Variants in G6PC3 observed in about 807,000 individuals in gnomAD.
G6PC3 encodes glucose-6-phosphatase 3.
G6PC3 carries 30 observed loss-of-function variants against 38.6 expected under a neutral mutation model. The ratio of observed to expected loss-of-function variants is 0.78; its 90% CI spans 0.58 to 1.05. The LOEUF (loss-of-function observed/expected upper bound fraction) is 1.05, where lower values mean the gene tolerates loss of function less well. G6PC3 is among the 50% of genes least tolerant of loss of function. The pLI, the probability that G6PC3 is intolerant of heterozygous loss-of-function variation, is 0.00. For synonymous variants in G6PC3, 192 were observed against 178.1 expected (o/e 1.08, Z -0.62); for missense variants, 377 against 443.1 (o/e 0.85, Z 1.34).
rs112909672 is a variant in G6PC3, at chr17:44,074,111, CT to C, written c.219-48del. 1.2e-4 allele frequency: 166 copies of C among 1,329,402 alleles called. 2 individuals are homozygous for C. The highest frequency in any genetic ancestry group is 6.9e-4 in the African/African-American group (48 of 69,488). 82.4% of individuals were successfully genotyped at this position (1,329,402 alleles called of 1,614,324 possible). A position where few individuals can be genotyped will look rare whatever the true frequency, so the allele number is the denominator to read the frequency against. ...GTGTCCTGCCCGCCTTGTACCCCCC[CT>C]GGCTGTGTGTGCATGTGGAAAGTCA... On this transcript the variant is annotated intron_variant, in intron 1 of 5. Transcript: ENST00000269097.
intron 1 of G6PC3, chr17:44,071,687 A>C (rs1185178101): frequency 4.7e-6 from 6 of 1,272,262 alleles, no homozygotes; most frequent in Non-Finnish European, 6.2e-6. Context: ...CTTGCAGATT[A>C]AGGTGTGGTC....
At position 44,075,444 on chromosome 17, in the gene G6PC3, CT is replaced by C; in HGVS notation, c.673del (p.Ser225LeufsTer6). The C allele has an allele frequency of 6.2e-7, 1 of 1,614,176 alleles. No homozygotes were observed. The highest frequency in any genetic ancestry group is 1.1e-5 in the South Asian group (1 of 91,090). On this transcript the variant is annotated frameshift_variant, in exon 5 of 6. Transcript: ENST00000269097. LOFTEE classifies it high-confidence loss of function. The part of the protein sequence containing the change: ...YWTLFTLGLD[L>X]SWSISLAFKW... ...GACCCTCTTTACACTGGGCCTGGAT[CT>C]TTCTTGGTAAGTCTCGCTTTGAAGC...
At chr17:44,072,092 CAT>C (rs1275813152) in intron 1 of G6PC3, 24 of 224,024 alleles carry the variant, frequency 1.1e-4, no homozygotes, top group African/African-American at 4.6e-4. Context: ...TGAAAAACAA[CAT>C]AGAGTTCCCC....
In G6PC3 at chr17:44,076,194, G is replaced by C. The variant is rs1046770; in HGVS notation, c.*151G>C. The C allele has an allele frequency of 0.18, 189,106 of 1,065,316 alleles. 18,430 individuals carry two copies. Among genetic ancestry groups the C allele is most frequent in the Non-Finnish European group, 0.2 (141,677 of 695,368 alleles). The allele number at this position is 1,065,316 out of a possible 1,614,324, so 66.0% of individuals were successfully genotyped here. Reference sequence around the variant, plus strand: ...CGCACCACCTGGTCTTAGCCCCAAAGATGGGCCTTCTCTCTCCCAGATAAG... The same window carrying C: ...CGCACCACCTGGTCTTAGCCCCAAACATGGGCCTTCTCTCTCCCAGATAAG... On this transcript the variant is annotated 3_prime_UTR_variant, in exon 6 of 6. Transcript: ENST00000269097.
At chr17:44,075,599 T>A in intron 5 of G6PC3, 81 bp from the exon 6 acceptor site, 1 of 1,602,808 alleles carries the variant, frequency 6.2e-7, no homozygotes, top group African/African-American at 1.3e-5. Flanking sequence ...AACATGGGAG[T>A]GGGCCCCAAG....
chr17:44,074,920 C>G, intron 3 of G6PC3, 49 bp from the exon 4 acceptor site: 1 of 1,538,970 alleles, frequency 6.5e-7, no homozygotes, highest in Non-Finnish European at 9.0e-7. Context: ...TGCAGGAGGC[C>G]AAGCTGTGTA....
At position 44,075,910 on chromosome 17, in the gene G6PC3, C is replaced by G. The variant is rs776556492; in HGVS notation, c.908C>G (p.Pro303Arg). 1.2e-6 allele frequency: 2 copies of G among 1,613,126 alleles called. No individual in the cohort carries two copies. The highest frequency in any genetic ancestry group is 1.7e-6 in the Non-Finnish European group (2 of 1,180,022). Residue 303 changes from proline (P) to arginine (R), a missense_variant, in exon 6 of 6, where the codon CCC becomes CGC. Physicochemically the swap from Pro to Arg is moderately radical, Grantham distance 103 (BLOSUM62 -2). Coordinates refer to ENST00000269097, the MANE Select transcript of G6PC3 (RefSeq NM_138387.4). ...GGCCCCCTGGACTGGCTGGGCCACC[C>G]CCCTCAGATCAGCCTCTTCTACATT... ...LLGPLDWLGH[P>R]PQISLFYIFN...
At chr17:44,074,339 GC>G in intron 2 of G6PC3, 73 bp downstream of exon 2, 1 of 1,201,636 alleles carries the variant, frequency 8.3e-7, no homozygotes, top group Non-Finnish European at 1.2e-6. Flanking sequence ...GTACTTTTCA[GC>G]CTGGGTGGCC....
intron 2 of G6PC3, among the ~76,000 whole-genome samples, 163 bp from the exon 3 acceptor site, chr17:44,074,517 C>T (rs2050038255): frequency 6.6e-6 from 1 of 152,182 alleles, no homozygotes; most frequent in South Asian, 2.1e-4. Context: ...GCACAGTGAC[C>T]TCAAGTGGCA....
rs747949730 is a variant in G6PC3, at chr17:44,075,304, T to TC, written c.536-4dup. On this transcript the variant is annotated splice_polypyrimidine_tract_variant and splice_region_variant and intron_variant, in intron 4 of 5. Transcript: ENST00000269097. ...CCTTGAAGCTGTTGTCACTCCACTCTCCTAGGCGCTGTCCTGGGCTGGCTG... is the reference window on the plus strand; with the variant it reads ...CCTTGAAGCTGTTGTCACTCCACTCTCCCTAGGCGCTGTCCTGGGCTGGCTG... 1.9e-5 allele frequency: 30 copies of TC among 1,614,106 alleles called. No individual in the cohort carries two copies. The highest frequency in any genetic ancestry group is 2.5e-5 in the Non-Finnish European group (29 of 1,180,022).
Position 44,075,913 on chromosome 17 carries a change from C to G in G6PC3, c.911C>G (p.Pro304Arg), listed in dbSNP as rs764750000. 10 of 1,613,208 alleles carry G rather than the reference C, an allele frequency of 6.2e-6. No homozygotes were observed. Among genetic ancestry groups the G allele is most frequent in the East Asian group, 4.5e-5 (2 of 44,884 alleles). ...LGPLDWLGHPPQISLFYIFNF... is the reference protein window; with the variant it reads ...LGPLDWLGHPRQISLFYIFNF... ...CCCCTGGACTGGCTGGGCCACCCCC[C>G]TCAGATCAGCCTCTTCTACATTTTC... Residue 304 changes from proline (P) to arginine (R), a missense_variant, in exon 6 of 6, where the codon CCT becomes CGT. By Grantham distance (103) the Pro-to-Arg change is moderately radical (BLOSUM62 -2). Coordinates refer to ENST00000269097, the MANE Select transcript of G6PC3 (RefSeq NM_138387.4).
Position 44,071,017 on chromosome 17 carries a change from C to T in G6PC3, c.52C>T (p.Gln18Ter). The T allele has an allele frequency of 1.3e-6, 2 of 1,576,632 alleles. No homozygotes were observed. Among genetic ancestry groups the T allele is most frequent in the Non-Finnish European group, 8.6e-7 (1 of 1,160,062 alleles). ...CGTGATAGCCGAGGCGCTACAGAACCAGCTAGCCTGGCTGGAGAACGTGTG... is the reference window on the plus strand; with the variant it reads ...CGTGATAGCCGAGGCGCTACAGAACTAGCTAGCCTGGCTGGAGAACGTGTG... The part of the protein sequence containing the change: ...GIVIAEALQN[Q>*]LAWLENVWLW... Residue 18 changes from glutamine to a stop codon, truncating the protein, a stop_gained, in exon 1 of 6, where the codon CAG (glutamine) becomes TAG (stop). Coordinates refer to ENST00000269097, the MANE Select transcript of G6PC3 (RefSeq NM_138387.4). LOFTEE classifies it high-confidence loss of function.
In G6PC3 at chr17:44,076,040, C is replaced by A. The variant is rs1196076098; in HGVS notation, c.1038C>A (p.Ser346=). The A allele has an allele frequency of 6.2e-7, 1 of 1,612,742 alleles. No homozygotes were observed. The highest frequency in any genetic ancestry group is 1.7e-5 in the Admixed American group (1 of 60,034). The change falls in exon 6 of 6, where the codon TCC becomes TCA. Residue 346 remains serine (S), a synonymous_variant. Coordinates refer to ENST00000269097, the MANE Select transcript of G6PC3 (RefSeq NM_138387.4). ...SAQEAPPIHS[S] ...AGGAAGCACCGCCCATCCACTCTTC[C>A]TGACTTCTTGTGTGCCTCCCTTTCC...
At chr17:44,074,586 A>G in intron 2 of G6PC3, 94 bp from the exon 3 acceptor site, 1 of 1,055,180 alleles carries the variant, frequency 9.5e-7, no homozygotes, top group South Asian at 1.3e-5. Flanking sequence ...AGCTCTTCTC[A>G]GCCAGGAAAG....
At position 44,075,366 on chromosome 17, in the gene G6PC3, T is replaced by G; in HGVS notation, c.592T>G (p.Phe198Val). 1 of 1,614,134 alleles carries G rather than the reference T, an allele frequency of 6.2e-7. No homozygotes were observed. Among genetic ancestry groups the G allele is most frequent in the Non-Finnish European group, 8.5e-7 (1 of 1,180,008 alleles). Residue 198 changes from phenylalanine to valine, a missense_variant, in exon 5 of 6, where the codon TTC becomes GTC. Phe to Val is a conservative substitution (Grantham distance 50). Coordinates refer to ENST00000269097, the MANE Select transcript of G6PC3 (RefSeq NM_138387.4). Reference sequence around the variant, plus strand: ...AGTGCCTATGGAGCGGGAGCTAAGCTTCTATGGGTTGACTGCACTGGCCCT... The same window carrying G: ...AGTGCCTATGGAGCGGGAGCTAAGCGTCTATGGGTTGACTGCACTGGCCCT... ...PRVPMERELS[F>V]YGLTALALML... is the part of the protein sequence containing the mutation.
At chr17:44,071,699 C>A in intron 1 of G6PC3, 2 of 1,207,086 alleles carry the variant, frequency 1.7e-6, no homozygotes, top group Non-Finnish European at 2.2e-6. Flanking sequence ...GGTGTGGTCC[C>A]TGGACCATGC....
rs942220117 is a variant in G6PC3 at position 44,075,011 on chromosome 17, C to T, written c.459C>T (p.Phe153=). ...RVMPSLAYCT[F]LLAVGLSRIF... ...TGCCTAGCCTGGCTTATTGCACCTT[C>T]CTTTTGGCGGTTGGCTTGTCGCGAA... The change falls in exon 4 of 6, where the codon TTC becomes TTT. Residue 153 remains phenylalanine, a synonymous_variant. Coordinates refer to ENST00000269097, the MANE Select transcript of G6PC3 (RefSeq NM_138387.4). 6.2e-7 allele frequency: 1 copy of T among 1,614,204 alleles called. No individual in the cohort carries two copies. Among genetic ancestry groups the T allele is most frequent in the Admixed American group, 1.7e-5 (1 of 60,024 alleles).
chr17:44,075,251 G>A (rs909486388), intron 4 of G6PC3, 59 bp from the exon 5 acceptor site: 24 of 1,606,092 alleles, frequency 1.5e-5, no homozygotes, highest in Middle Eastern at 1.8e-4. Flanking sequence ...GCTGGGGGTC[G>A]GGGTGGGGAG....
chr17:44,071,782 T>C (rs1376519208), intron 1 of G6PC3: 1 of 509,182 alleles, frequency 2.0e-6, no homozygotes, highest in East Asian at 6.8e-5. Context: ...AGCTACTGAA[T>C]CAAAATCTGC....
Sources: allele counts gnomAD v4.1 joint callset (sites outside exome capture counted in the v4.1 genomes callset), GRCh38; gene constraint gnomAD v4.1.1; transcripts MANE v1.5; gene names NCBI Gene and HGNC (gene_info 2026-07-23, HGNC 2026-07-21).